The following ADAM12 variants were observed in gnomAD, a reference collection of about 807,000 sequenced individuals.
The protein encoded by ADAM12 is ADAM metallopeptidase domain 12.
A neutral mutation model predicts 106.4 loss-of-function variants in ADAM12; 70 were observed. That is an observed-to-expected ratio of 0.66 (90% CI 0.54 to 0.80). The LOEUF (loss-of-function observed/expected upper bound fraction) is 0.80, where lower values mean the gene tolerates loss of function less well. Among genes scored for constraint, ADAM12 ranks in the 30% least tolerant of loss-of-function variants. The pLI, the probability that ADAM12 is intolerant of heterozygous loss-of-function variation, is 0.00. For missense variants in ADAM12, 1,010 were observed against 1,171.9 expected (o/e 0.86, Z 2.02); for synonymous variants, 420 against 433.5 (o/e 0.97, Z 0.39).
rs540433077 is a variant in ADAM12, at chr10:126,107,138, T to C, written c.741+1455A>G. ...ACACATATAGGAACACACATGCATG[T>C]ACATGTACATGAAGCACATACATGT... On this transcript the variant is annotated intron_variant, in intron 8 of 22. Coordinates refer to ENST00000448723, the MANE Select transcript of ADAM12 (RefSeq NM_001288973.2). Among the ~76,000 whole-genome samples the C allele has an allele frequency of 2.1e-3, 324 of 152,296 alleles. 2 individuals carry two copies. Among genetic ancestry groups the C allele is most frequent in the Middle Eastern group, 3.4e-3 (1 of 294 alleles).
chr10:126,260,987 A>G (rs1222024571), intron 3 of ADAM12, among the ~76,000 whole-genome samples: 1 of 152,248 alleles, frequency 6.6e-6, no homozygotes, highest in African/African-American at 2.4e-5. Flanking sequence ...ATGCAGCAAT[A>G]AAAATGATAC....
At chr10:126,324,187 C>A (rs1346870554) in intron 2 of ADAM12, among the ~76,000 whole-genome samples, 1 of 152,194 alleles carries the variant, frequency 6.6e-6, no homozygotes, top group African/African-American at 2.4e-5. Context: ...CTTATAAAGA[C>A]AAAGGTATGG....
chr10:126,237,005 T>C (rs1252779970), intron 3 of ADAM12, among the ~76,000 whole-genome samples: 1 of 152,186 alleles, frequency 6.6e-6, no homozygotes. Context: ...CATTGCCCAT[T>C]CTAAACAACA....
chr10:126,157,038 G>T (rs375723670), intron 3 of ADAM12, among the ~76,000 whole-genome samples: 86 of 151,574 alleles, frequency 5.7e-4, no homozygotes, highest in Non-Finnish European at 1.1e-3. Context: ...TGTGTGGGGG[G>T]GTGCTCCTCC....
chr10:126,242,921 G>A (rs907240764), intron 3 of ADAM12, among the ~76,000 whole-genome samples: 9 of 152,118 alleles, frequency 5.9e-5, no homozygotes, highest in South Asian at 2.1e-4. Context: ...TCCATTCTCC[G>A]CATTAAAACT....
chr10:126,029,248 T>C (rs1953932677), intron 21 of ADAM12, among the ~76,000 whole-genome samples: 1 of 152,214 alleles, frequency 6.6e-6, no homozygotes, highest in Non-Finnish European at 1.5e-5. Flanking sequence ...TTATTGGGTA[T>C]ATACCCAAAG....
chr10:126,123,889 T>TA lies in ADAM12; in HGVS notation c.417-5666dup, dbSNP rs3837317. On this transcript the variant is annotated intron_variant, in intron 5 of 22. Coordinates refer to ENST00000448723, the MANE Select transcript of ADAM12 (RefSeq NM_001288973.2). ...AAACCAGCGGCCTTCCTTTAACATG[T>TA]AAAATCCTGTTGTTTTTCCTTGACA... is the stretch of plus-strand genomic sequence containing the variant. Among the ~76,000 whole-genome samples the TA allele has an allele frequency of 9.7e-3, 1,484 of 152,332 alleles. 58 individuals are homozygous for TA. The highest frequency in any genetic ancestry group is 0.034 in the Admixed American group (514 of 15,308).
chr10:126,030,506 A>G (rs1230902602), intron 21 of ADAM12, among the ~76,000 whole-genome samples: 1 of 152,188 alleles, frequency 6.6e-6, no homozygotes, highest in Non-Finnish European at 1.5e-5. Context: ...ATAGGCCTAT[A>G]TTACCTATTA....
At chr10:126,189,550 C>T (rs531720597) in intron 3 of ADAM12, among the ~76,000 whole-genome samples, 6 of 152,194 alleles carry the variant, frequency 3.9e-5, no homozygotes, top group Admixed American at 1.3e-4. Context: ...GTGCTGACTA[C>T]GTGCCAGGCA....
chr10:126,089,160 G>A (rs931359524), intron 11 of ADAM12, among the ~76,000 whole-genome samples: 10 of 152,158 alleles, frequency 6.6e-5, no homozygotes, highest in South Asian at 2.1e-4. Flanking sequence ...TTCAGCATCC[G>A]TGTGACAACT....
intron 2 of ADAM12, among the ~76,000 whole-genome samples, chr10:126,328,953 G>T (rs1043173924): frequency 2.0e-5 from 3 of 152,152 alleles, no homozygotes; most frequent in African/African-American, 7.2e-5. Context: ...GGTGGCTGGA[G>T]GGTAGGAAGG....
intron 3 of ADAM12, among the ~76,000 whole-genome samples, chr10:126,200,605 G>T (rs1431703653): frequency 6.6e-6 from 1 of 152,126 alleles, no homozygotes; most frequent in African/African-American, 2.4e-5. Context: ...CTGCCGTGGG[G>T]TGCCAATAAG....
chr10:126,041,809 G>C, intron 18 of ADAM12: 3 of 1,158,380 alleles, frequency 2.6e-6, no homozygotes, highest in Non-Finnish European at 3.2e-6. Context: ...TGAAAGGCCA[G>C]ACTTTTGAGT....
intron 2 of ADAM12, among the ~76,000 whole-genome samples, chr10:126,297,706 G>C (rs773564608): frequency 1.1e-4 from 17 of 152,148 alleles, no homozygotes; most frequent in Non-Finnish European, 2.1e-4. Context: ...GAAAAGCTAG[G>C]GAAAATATAC....
At chr10:126,350,095 T>C (rs1009005142) in intron 1 of ADAM12, among the ~76,000 whole-genome samples, 1 of 152,154 alleles carries the variant, frequency 6.6e-6, no homozygotes, top group African/African-American at 2.4e-5. Flanking sequence ...GCCAATGATA[T>C]TCTTATAAAT....
At chr10:126,155,891 T>C (rs1360460644) in intron 3 of ADAM12, among the ~76,000 whole-genome samples, 1 of 152,162 alleles carries the variant, frequency 6.6e-6, no homozygotes, top group African/African-American at 2.4e-5. Context: ...AAAAATGATT[T>C]TGCACATCCT....
At chr10:126,257,033 G>A (rs541488353) in intron 3 of ADAM12, among the ~76,000 whole-genome samples, 4 of 152,206 alleles carry the variant, frequency 2.6e-5, no homozygotes, top group Admixed American at 2.0e-4. Flanking sequence ...TGGCCACCTG[G>A]GGGCTCCCCA....
chr10:126,101,550 T>C (rs1271112398), intron 8 of ADAM12, among the ~76,000 whole-genome samples: 4 of 152,226 alleles, frequency 2.6e-5, no homozygotes, highest in Admixed American at 2.0e-4. Context: ...AAAATGTACA[T>C]ACAGATGTGT....
At chr10:126,384,574 T>C (rs934009873) in intron 1 of ADAM12, among the ~76,000 whole-genome samples, 1 of 151,924 alleles carries the variant, frequency 6.6e-6, no homozygotes, top group African/African-American at 2.4e-5. Context: ...TGAGGGGCTC[T>C]AGGAAAGATG....
Sources: gnomAD v4.1 joint callset for allele counts (sites outside exome capture counted in the v4.1 genomes callset) on GRCh38, gnomAD v4.1.1 for gene constraint, MANE v1.5 for transcripts, NCBI Gene and HGNC (gene_info 2026-07-23, HGNC 2026-07-21) for gene names.